The following N4BP2L1 variants were observed in gnomAD, a reference collection of about 807,000 sequenced individuals.
N4BP2L1 encodes NEDD4-binding protein 2-like 1.
A neutral mutation model predicts 21.2 loss-of-function variants in N4BP2L1; 12 were observed. That is an observed-to-expected ratio of 0.57 (90% CI 0.36 to 0.92). The LOEUF is 0.92. Ranked by LOEUF, N4BP2L1 falls within the 40% of genes least tolerant of loss-of-function variation. The probability of loss-of-function intolerance (pLI) is 0.01; values close to 1 mark genes in which losing one functional copy is unlikely to be tolerated. For synonymous variants in N4BP2L1, 104 were observed against 112.8 expected, an observed-to-expected ratio of 0.92 and a Z score of 0.49; for missense variants, 259 against 310.6, an observed-to-expected ratio of 0.83 and a Z score of 1.25.
At chr13:32,404,282 C>T in intron 4 of N4BP2L1, 39 bp downstream of exon 4, 1 of 1,587,986 alleles carries the variant, frequency 6.3e-7, no homozygotes, top group Non-Finnish European at 8.6e-7. Context: ...CTGAAAATAG[C>T]AGGATACATA....
At chr13:32,421,897 A>T (rs206330) in intron 1 of N4BP2L1, among the ~76,000 whole-genome samples, 40,157 of 151,910 alleles carry the variant, frequency 0.26, 5,756 homozygotes, top group South Asian at 0.4. Context: ...CTGAGTGGCC[A>T]TAGGCGGGTG....
intron 2 of N4BP2L1, 61 bp downstream of exon 2, chr13:32,407,584 C>T: frequency 8.7e-6 from 14 of 1,606,956 alleles, no homozygotes; most frequent in Non-Finnish European, 1.2e-5. Flanking sequence ...ATTCATTCTG[C>T]AGCAGCTACA....
At chr13:32,413,172 T>G (rs2073953893) in intron 1 of N4BP2L1, among the ~76,000 whole-genome samples, 1 of 152,186 alleles carries the variant, frequency 6.6e-6, no homozygotes, top group African/African-American at 2.4e-5. Flanking sequence ...GTGATCCACC[T>G]GCCTCGGCCT....
intron 1 of N4BP2L1, chr13:32,426,087 A>AGG (rs1162186905): frequency 1.3e-5 from 2 of 152,242 alleles, no homozygotes; most frequent in Non-Finnish European, 2.9e-5. Context: ...AGGACCACTC[A>AGG]GGCAACGCCC....
intron 3 of N4BP2L1, 100 bp from the exon 4 acceptor site, chr13:32,404,497 C>T: frequency 1.2e-6 from 1 of 856,584 alleles, no homozygotes; most frequent in Non-Finnish European, 1.8e-6. Context: ...TTTCAGAATT[C>T]CTTTTGTTTT....
chr13:32,427,226 G>T (rs996176086), intron 1 of N4BP2L1, among the ~76,000 whole-genome samples: 1 of 152,210 alleles, frequency 6.6e-6, no homozygotes, highest in Non-Finnish European at 1.5e-5. Flanking sequence ...GGCGCCGCCA[G>T]CCAGCCCCCC....
At chr13:32,409,853 T>G (rs1380101655) in intron 1 of N4BP2L1, among the ~76,000 whole-genome samples, 2 of 152,056 alleles carry the variant, frequency 1.3e-5, no homozygotes, top group Admixed American at 6.5e-5. Flanking sequence ...GCAGAAAGAC[T>G]CTAAGGGTTA....
chr13:32,405,859 G>A (rs980507825), intron 3 of N4BP2L1, among the ~76,000 whole-genome samples: 13 of 150,538 alleles, frequency 8.6e-5, no homozygotes, highest in Admixed American at 2.6e-4. Context: ...TGCATGATGC[G>A]AGGAGGATAC....
intron 3 of N4BP2L1, 151 bp downstream of exon 3, chr13:32,407,099 A>T (rs946861797): frequency 1.4e-5 from 10 of 717,908 alleles, no homozygotes; most frequent in Non-Finnish European, 2.3e-5. Context: ...GCAGAGAAAC[A>T]CTAAAATAAA....
intron 1 of N4BP2L1, among the ~76,000 whole-genome samples, chr13:32,412,354 C>T (rs1234559609): frequency 4.0e-5 from 6 of 149,164 alleles, no homozygotes; most frequent in Admixed American, 6.7e-5. Flanking sequence ...AGGCCGGGCG[C>T]GGTGGCTCAC....
chr13:32,411,407 G>T, intron 1 of N4BP2L1: 2 of 491,712 alleles, frequency 4.1e-6, no homozygotes, highest in Non-Finnish European at 2.6e-6. Flanking sequence ...TGTTAAATTA[G>T]CACTAGCAGC....
At chr13:32,427,093 G>A (rs2074809108) in intron 1 of N4BP2L1, among the ~76,000 whole-genome samples, 1 of 152,210 alleles carries the variant, frequency 6.6e-6, no homozygotes. Context: ...GGCCTAGCAA[G>A]GTGGCCACAG....
intron 1 of N4BP2L1, chr13:32,415,931 T>C (rs976074621): frequency 3.3e-5 from 5 of 152,248 alleles, no homozygotes; most frequent in African/African-American, 9.6e-5. Context: ...ACATACGGTT[T>C]CCTTAGAGGT....
intron 4 of N4BP2L1, chr13:32,403,897 T>G: frequency 2.1e-6 from 1 of 482,192 alleles, no homozygotes; most frequent in Non-Finnish European, 3.9e-6. Flanking sequence ...CAAGTTAGTA[T>G]TATTTGAACA....
intron 1 of N4BP2L1, among the ~76,000 whole-genome samples, chr13:32,423,519 G>C (rs1053263547): frequency 6.6e-6 from 1 of 152,294 alleles, no homozygotes; most frequent in Non-Finnish European, 1.5e-5. Context: ...AACAAAGAAA[G>C]GCTACCCTCT....
rs372708839 is a variant in N4BP2L1 at position 32,407,239 on chromosome 13, C to T, written c.396+11G>A. The T allele has an allele frequency of 1.2e-6, 2 of 1,612,860 alleles. No individual in the cohort carries two copies. Among genetic ancestry groups the T allele is most frequent in the African/African-American group, 1.3e-5 (1 of 74,884 alleles). On this transcript the variant is annotated intron_variant, in intron 3 of 4. Transcript: ENST00000380130. ...CCATAACTGAAAATTCAGAATGATA[C>T]TTCTTCCTACCATGACTGCATAGGG...
intron 1 of N4BP2L1, among the ~76,000 whole-genome samples, chr13:32,408,677 G>C (rs2073670625): frequency 6.6e-6 from 1 of 152,128 alleles, no homozygotes; most frequent in Admixed American, 6.5e-5. Flanking sequence ...AACAAACCCA[G>C]CCAACAAACA....
chr13:32,418,956 G>C (rs569454188), intron 1 of N4BP2L1, among the ~76,000 whole-genome samples: 1 of 152,304 alleles, frequency 6.6e-6, no homozygotes, highest in East Asian at 1.9e-4. Context: ...ATAAGCAGAA[G>C]GGACTTGCCT....
intron 1 of N4BP2L1, among the ~76,000 whole-genome samples, chr13:32,415,670 AG>A (rs925079333): frequency 6.6e-6 from 1 of 152,184 alleles, no homozygotes; most frequent in Non-Finnish European, 1.5e-5. Flanking sequence ...ACTCCTAATC[AG>A]GAGTTTTTCT....
Sources: allele counts gnomAD v4.1 joint callset (sites outside exome capture counted in the v4.1 genomes callset), GRCh38; gene constraint gnomAD v4.1.1; transcripts MANE v1.5; gene names NCBI Gene and HGNC (gene_info 2026-07-23, HGNC 2026-07-21).